ATP8A1: variants seen among roughly 807,000 people sequenced by gnomAD.
ATP8A1 encodes the protein phospholipid-transporting ATPase IA.
A neutral mutation model predicts 177.7 loss-of-function variants in ATP8A1; 90 were observed. The ratio of observed to expected loss-of-function variants is 0.51; its 90% CI spans 0.43 to 0.60. The LOEUF is 0.60. Among genes scored for constraint, ATP8A1 ranks in the 20% least tolerant of loss-of-function variants. The pLI, the probability that ATP8A1 is intolerant of heterozygous loss-of-function variation, is 0.00. For missense variants in ATP8A1, 1,072 were observed against 1,392.8 expected (o/e 0.77, Z 3.67); for synonymous variants, 493 against 485.9 (o/e 1.01, Z -0.19).
In ATP8A1 at chr4:42,439,839, C is replaced by T. The variant is rs539709719; in HGVS notation, c.3123+3726G>A. Among the ~76,000 whole-genome samples the T allele has an allele frequency of 1.5e-4, 23 of 152,326 alleles. No homozygotes were observed. In the South Asian group the frequency reaches 4.8e-3, roughly 32 times the overall value. On this transcript the variant is annotated intron_variant, in intron 33 of 36. Transcript: ENST00000381668. ...ATTTCCAGATCAAATACCATGCATT[C>T]CTCTTAGCAACTATTATCAGAGAAG...
At chr4:42,603,276 T>G (rs1445029991) in intron 5 of ATP8A1, among the ~76,000 whole-genome samples, 1 of 152,212 alleles carries the variant, frequency 6.6e-6, no homozygotes, top group Non-Finnish European at 1.5e-5. Flanking sequence ...TAGTTTTCTG[T>G]GAATGGGTCT....
intron 4 of ATP8A1, among the ~76,000 whole-genome samples, chr4:42,623,839 T>A (rs1737758437): frequency 6.6e-6 from 1 of 152,162 alleles, no homozygotes; most frequent in Non-Finnish European, 1.5e-5. Context: ...ACCCTGCACA[T>A]GTACCCCTGA....
At chr4:42,650,784 C>G (rs1262905687) in intron 1 of ATP8A1, among the ~76,000 whole-genome samples, 3 of 152,126 alleles carry the variant, frequency 2.0e-5, no homozygotes, top group Admixed American at 6.5e-5. Flanking sequence ...GTGTGCATTT[C>G]TTTAGTTCTG....
rs940910707 is a variant in ATP8A1 at position 42,447,759 on chromosome 4, C to A, written c.2897-1115G>T. ...GCTTTGGAGACACCGAAGTTTAGTT[C>A]TATTACTATTAACAGTTGTGTCATT... is the stretch of plus-strand genomic sequence containing the variant. On this transcript the variant is annotated intron_variant, in intron 30 of 36. Coordinates refer to ENST00000381668, the MANE Select transcript of ATP8A1 (RefSeq NM_006095.2). 2.6e-5 allele frequency among the ~76,000 whole-genome samples: 4 copies of A among 152,240 alleles called. No individual in the cohort carries two copies. The East Asian group carries it at 7.7e-4, about 29-fold the overall frequency.
At chr4:42,582,707 A>C (rs1002326523) in intron 9 of ATP8A1, among the ~76,000 whole-genome samples, 1 of 152,134 alleles carries the variant, frequency 6.6e-6, no homozygotes, top group Non-Finnish European at 1.5e-5. Flanking sequence ...ATTGTGAATA[A>C]ATTTCCAATG....
At chr4:42,573,214 G>A (rs146275061) in intron 14 of ATP8A1, among the ~76,000 whole-genome samples, 2 of 152,180 alleles carry the variant, frequency 1.3e-5, no homozygotes, top group East Asian at 3.9e-4. Context: ...ATCACACAAA[G>A]TAAAAAACAA....
At chr4:42,521,464 C>CA (rs1043804463) in intron 22 of ATP8A1, among the ~76,000 whole-genome samples, 4 of 152,168 alleles carry the variant, frequency 2.6e-5, no homozygotes, top group African/African-American at 9.7e-5. Context: ...AAGAGCTACA[C>CA]AAAAATGTTT....
chr4:42,469,825 A>C (rs1720194478), intron 25 of ATP8A1, among the ~76,000 whole-genome samples: 1 of 147,428 alleles, frequency 6.8e-6, no homozygotes, highest in Non-Finnish European at 1.5e-5. Flanking sequence ...TTGTCAGTAC[A>C]CTTGCTTCTA....
intron 15 of ATP8A1, among the ~76,000 whole-genome samples, chr4:42,564,106 C>T (rs188392956): frequency 4.6e-5 from 7 of 152,074 alleles, no homozygotes; most frequent in Admixed American, 3.9e-4. Flanking sequence ...GGTTGCGGGG[C>T]GGGGAAAATT....
rs565139270 is a variant in ATP8A1, at chr4:42,636,156, A to ACACACACACACGCGCGTGCGCGCGCG, written c.50-9048_50-9047insCGCGCGCGCACGCGCGTGTGTGTGTG. 3.7e-3 allele frequency among the ~76,000 whole-genome samples: 338 copies of ACACACACACACGCGCGTGCGCGCGCG among 90,956 alleles called. 3 individuals carry two copies. Among genetic ancestry groups the ACACACACACACGCGCGTGCGCGCGCG allele is most frequent in the East Asian group, 0.021 (61 of 2,918 alleles). 59.7% of individuals were successfully genotyped at this position (90,956 alleles called of 152,430 possible). On this transcript the variant is annotated intron_variant, in intron 1 of 36. Coordinates refer to ENST00000381668, the MANE Select transcript of ATP8A1 (RefSeq NM_006095.2). Reference sequence around the variant, plus strand: ...CACACACACACACACACACACACACACGCACACACACACACATAAGCTTCT... The same window carrying ACACACACACACGCGCGTGCGCGCGCG: ...CACACACACACACACACACACACACACACACACACACGCGCGTGCGCGCGCGCGCACACACACACACATAAGCTTCT...
intron 5 of ATP8A1, among the ~76,000 whole-genome samples, chr4:42,613,184 C>G (rs1736543207): frequency 6.6e-6 from 1 of 152,188 alleles, no homozygotes. Flanking sequence ...TTTTTGTTAT[C>G]TCCTATCAAC....
intron 15 of ATP8A1, 40 bp from the exon 16 acceptor site, chr4:42,556,080 T>C: frequency 7.1e-7 from 1 of 1,415,708 alleles, no homozygotes; most frequent in Non-Finnish European, 9.9e-7. Context: ...AGTTCATTTA[T>C]ACCAGCCCAC....
chr4:42,460,736 G>A (rs1719039170), intron 27 of ATP8A1, among the ~76,000 whole-genome samples: 1 of 152,100 alleles, frequency 6.6e-6, no homozygotes, highest in African/African-American at 2.4e-5. Context: ...CAGATTAAAT[G>A]GTAAAGTGGC....
intron 9 of ATP8A1, among the ~76,000 whole-genome samples, chr4:42,584,566 C>CT (rs775273432): frequency 1.3e-5 from 2 of 152,176 alleles, no homozygotes; most frequent in African/African-American, 2.4e-5. Context: ...TTTCTTCACT[C>CT]TCTCTTGGTT....
chr4:42,601,192 T>C (rs1735230962), intron 5 of ATP8A1, among the ~76,000 whole-genome samples: 1 of 151,860 alleles, frequency 6.6e-6, no homozygotes, highest in Admixed American at 6.6e-5. Flanking sequence ...TGCACCACCA[T>C]GTGTGGCTAA....
intron 35 of ATP8A1, among the ~76,000 whole-genome samples, chr4:42,417,347 AAC>A (rs1491576399): frequency 2.7e-4 from 41 of 152,046 alleles, no homozygotes; most frequent in African/African-American, 9.2e-4. Flanking sequence ...AAAAAAAAAA[AAC>A]ACTAAAGATA....
At chr4:42,483,519 C>T (rs1015205170) in intron 25 of ATP8A1, among the ~76,000 whole-genome samples, 10 of 152,074 alleles carry the variant, frequency 6.6e-5, no homozygotes, top group East Asian at 3.9e-4. Context: ...AGAGCTGAGC[C>T]GCACGTGCAC....
At chr4:42,516,030 G>A (rs1725499246) in intron 22 of ATP8A1, among the ~76,000 whole-genome samples, 1 of 152,278 alleles carries the variant, frequency 6.6e-6, no homozygotes, top group African/African-American at 2.4e-5. Flanking sequence ...TTAATAGGGG[G>A]CAGGCTTTCA....
intron 5 of ATP8A1, among the ~76,000 whole-genome samples, chr4:42,605,388 C>A (rs572783456): frequency 6.8e-4 from 103 of 152,296 alleles, no homozygotes; most frequent in African/African-American, 2.2e-3. Context: ...TAATCTAGCC[C>A]TCCTCAACAT....
Sources: allele counts gnomAD v4.1 joint callset (sites outside exome capture counted in the v4.1 genomes callset), GRCh38; gene constraint gnomAD v4.1.1; transcripts MANE v1.5; gene names NCBI Gene and HGNC (gene_info 2026-07-23, HGNC 2026-07-21).